AVEN: variants seen among roughly 807,000 people sequenced by gnomAD.
AVEN encodes the protein apoptosis and caspase activation inhibitor.
In AVEN, 41 loss-of-function variants were observed where a neutral mutation model predicts 38.1. The observed-to-expected ratio is 1.08, with a 90% CI of 0.84 to 1.40. The LOEUF is 1.40. Among genes scored for constraint, AVEN ranks in the 40% most tolerant of loss-of-function variants. The probability of loss-of-function intolerance (pLI) is 0.00; values close to 1 mark genes in which losing one functional copy is unlikely to be tolerated. For synonymous variants in AVEN, 206 were observed against 171.8 expected (o/e 1.20, Z -1.56); for missense variants, 605 against 438.8 (o/e 1.38, Z -3.38).
chr15:33,868,518 C>CT (rs1890795404), intron 4 of AVEN, among the ~76,000 whole-genome samples: 1 of 131,966 alleles, frequency 7.6e-6, no homozygotes, highest in South Asian at 2.3e-4. Context: ...GCACTCGAGC[C>CT]TGGGCAACAG....
chr15:33,944,432 G>A (rs1232208298), intron 2 of AVEN, among the ~76,000 whole-genome samples: 1 of 152,196 alleles, frequency 6.6e-6, no homozygotes, highest in African/African-American at 2.4e-5. Context: ...GACTTCTCCA[G>A]ACAAGTTTCT....
chr15:33,972,781 C>T (rs1311945247), intron 2 of AVEN, among the ~76,000 whole-genome samples: 1 of 152,200 alleles, frequency 6.6e-6, no homozygotes, highest in Non-Finnish European at 1.5e-5. Flanking sequence ...ACACTGAACA[C>T]ATGTGCAGTC....
intron 1 of AVEN, among the ~76,000 whole-genome samples, chr15:34,019,039 G>GTT (rs72523303): frequency 6.6e-6 from 1 of 150,968 alleles, no homozygotes; most frequent in Admixed American, 6.6e-5. Context: ...TGATTGGTGC[G>GTT]TTTTTTTTAC....
At chr15:33,884,077 G>T (rs78325218) in intron 2 of AVEN, among the ~76,000 whole-genome samples, 1 of 151,990 alleles carries the variant, frequency 6.6e-6, no homozygotes, top group Admixed American at 6.6e-5. Context: ...TCAAACTCCT[G>T]GGCTCAAGGG....
intron 2 of AVEN, among the ~76,000 whole-genome samples, chr15:33,893,321 G>C (rs1305628971): frequency 1.3e-5 from 2 of 152,174 alleles, no homozygotes; most frequent in Non-Finnish European, 1.5e-5. Flanking sequence ...AATGCTTCCA[G>C]TTTTTGCCCA....
At chr15:33,974,318 T>C (rs1895776691) in intron 2 of AVEN, among the ~76,000 whole-genome samples, 2 of 152,230 alleles carry the variant, frequency 1.3e-5, no homozygotes, top group South Asian at 2.1e-4. Flanking sequence ...ATTTATTCTG[T>C]TGGATGCTCT....
chr15:33,904,884 C>T (rs1356586355), intron 2 of AVEN, among the ~76,000 whole-genome samples: 1 of 151,814 alleles, frequency 6.6e-6, no homozygotes, highest in Non-Finnish European at 1.5e-5. Flanking sequence ...AATCCCAGTA[C>T]TTTGGGAGGC....
In AVEN at chr15:33,871,011, T is replaced by G. The variant is rs1321775860; in HGVS notation, c.536A>C (p.Asp179Ala). Residue 179 changes from aspartate (D) to alanine (A), a missense_variant, in exon 4 of 6, where the codon GAT (aspartate) becomes GCT (alanine). By Grantham distance (126) the Asp-to-Ala change is moderately radical. Transcript: ENST00000306730. ...AAGGGCTCGAACCAATAACTCACTA[T>G]CCACATAAAATGCTGAATTCTATAT... ...CPKQNSAFYV[D>A]SELLVRALQE... The G allele has an allele frequency of 2.5e-6, 4 of 1,601,648 alleles. No individual in the cohort carries two copies. The highest frequency in any genetic ancestry group is 3.4e-6 in the Non-Finnish European group (4 of 1,172,890).
chr15:33,983,769 C>T (rs187274921), intron 2 of AVEN, among the ~76,000 whole-genome samples: 144 of 152,054 alleles, frequency 9.5e-4, no homozygotes, highest in African/African-American at 3.3e-3. Flanking sequence ...AGAAACCTGA[C>T]GGAGGTTTCT....
intron 2 of AVEN, among the ~76,000 whole-genome samples, chr15:33,938,288 T>C (rs1894173353): frequency 6.6e-6 from 1 of 151,974 alleles, no homozygotes. Context: ...ACCCCGTCTC[T>C]ACTAAAAATA....
In AVEN at chr15:33,873,273, T is replaced by C. The variant is rs373326291; in HGVS notation, c.517-2243A>G. ...CCCCACCACGCCCAGCTAATTTTTG[T>C]ATTTTCAGTAGACGCAGGGTTTCAC... On this transcript the variant is annotated intron_variant, in intron 3 of 5. Transcript: ENST00000306730. Among the ~76,000 whole-genome samples, 55 of 150,750 alleles carry C rather than the reference T, an allele frequency of 3.6e-4. No individual in the cohort carries two copies. The East Asian group carries it at 8.8e-3, about 24-fold the overall frequency.
At chr15:34,007,810 G>A (rs1897423468) in intron 1 of AVEN, among the ~76,000 whole-genome samples, 3 of 152,212 alleles carry the variant, frequency 2.0e-5, no homozygotes, top group Admixed American at 2.0e-4. Flanking sequence ...CTTTCTGGAA[G>A]TTCTGAGGGA....
At chr15:33,871,740 G>A (rs776522093) in intron 3 of AVEN, among the ~76,000 whole-genome samples, 1 of 146,984 alleles carries the variant, frequency 6.8e-6, no homozygotes, top group Non-Finnish European at 1.5e-5. Context: ...GGGACTGACA[G>A]GTGTTGCGAA....
intron 1 of AVEN, among the ~76,000 whole-genome samples, chr15:34,032,627 G>A (rs1225046654): frequency 6.6e-6 from 1 of 151,652 alleles, no homozygotes; most frequent in Non-Finnish European, 1.5e-5. Context: ...CATACCTAGG[G>A]GTTCAGAAAG....
At chr15:33,892,584 G>A (rs1206208281) in intron 2 of AVEN, among the ~76,000 whole-genome samples, 1 of 152,154 alleles carries the variant, frequency 6.6e-6, no homozygotes, top group African/African-American at 2.4e-5. Flanking sequence ...CCATTGGTCT[G>A]TATCTCTGTT....
intron 1 of AVEN, among the ~76,000 whole-genome samples, chr15:34,037,493 ATTG>A (rs1421848966): frequency 6.7e-6 from 1 of 149,692 alleles, no homozygotes; most frequent in Non-Finnish European, 1.5e-5. Flanking sequence ...AATATATAAC[ATTG>A]TAGTTAATAT....
In AVEN at chr15:33,951,234, AT is replaced by A. The variant is rs1008629434; in HGVS notation, c.445+51797del. On this transcript the variant is annotated intron_variant, in intron 2 of 5. Transcript: ENST00000306730. ...CCTGTGCGTGGGAGGGAAGTTAAGT[AT>A]TTTTTAGTCTCTCAGGTACGCTTCC... 1.1e-4 allele frequency among the ~76,000 whole-genome samples: 17 copies of A among 152,278 alleles called. No individual in the cohort carries two copies. The East Asian group carries it at 2.7e-3, about 24-fold the overall frequency.
intron 2 of AVEN, among the ~76,000 whole-genome samples, chr15:33,928,523 A>AG (rs1893714251): frequency 6.6e-6 from 1 of 152,310 alleles, no homozygotes; most frequent in African/African-American, 2.4e-5. Flanking sequence ...ATAGTACAAG[A>AG]GGTTGAGGCT....
In AVEN at chr15:34,031,580, G is replaced by T. The variant is rs867868430; in HGVS notation, c.267+7200C>A. On this transcript the variant is annotated intron_variant, in intron 1 of 5. Coordinates refer to ENST00000306730, the MANE Select transcript of AVEN (RefSeq NM_020371.3). ...TCGTATCAGTCCTTAATGGCAAGAG[G>T]ACTCAAAGGTAGAATTAAGTTTTTA... is the stretch of plus-strand genomic sequence containing the variant. 3.9e-5 allele frequency among the ~76,000 whole-genome samples: 6 copies of T among 152,282 alleles called. No homozygotes were observed. The South Asian group carries it at 6.2e-4, about 16-fold the overall frequency.
Sources: gnomAD v4.1 joint callset for allele counts (sites outside exome capture counted in the v4.1 genomes callset) on GRCh38, gnomAD v4.1.1 for gene constraint, MANE v1.5 for transcripts, NCBI Gene and HGNC (gene_info 2026-07-23, HGNC 2026-07-21) for gene names.